The following SUGCT variants were observed in gnomAD, a reference collection of about 807,000 sequenced individuals.
SUGCT encodes succinyl-CoA:glutarate-CoA transferase.
SUGCT carries 41 observed loss-of-function variants against 55.0 expected under a neutral mutation model. That is an observed-to-expected ratio of 0.74 (90% CI 0.58 to 0.97). The LOEUF (loss-of-function observed/expected upper bound fraction) is 0.97. SUGCT is among the 50% of genes least tolerant of loss of function. The probability of loss-of-function intolerance (pLI) is 0.00; values close to 1 mark genes in which losing one functional copy is unlikely to be tolerated. For missense variants in SUGCT, 568 were observed against 547.8 expected (o/e 1.04, Z -0.37); for synonymous variants, 187 against 200.4 (o/e 0.93, Z 0.56).
intron 12 of SUGCT, among the ~76,000 whole-genome samples, chr7:40,618,245 G>T (rs1424755522): frequency 6.6e-6 from 1 of 152,056 alleles, no homozygotes; most frequent in East Asian, 1.9e-4. Flanking sequence ...TGCTAGTCTT[G>T]CTCTACCCAC....
chr7:40,404,449 T>G (rs892442098), intron 9 of SUGCT, among the ~76,000 whole-genome samples: 1 of 152,040 alleles, frequency 6.6e-6, no homozygotes, highest in Non-Finnish European at 1.5e-5. Flanking sequence ...GACTTTTTTT[T>G]TTTTTTGAGG....
chr7:40,277,498 T>C (rs1256793141), intron 8 of SUGCT, among the ~76,000 whole-genome samples: 3 of 152,076 alleles, frequency 2.0e-5, no homozygotes, highest in African/African-American at 7.2e-5. Flanking sequence ...CCAGAGCCAC[T>C]GTGCTGAGCA....
chr7:40,838,976 T>A (rs1033029525), intron 13 of SUGCT, among the ~76,000 whole-genome samples: 1 of 151,684 alleles, frequency 6.6e-6, no homozygotes, highest in African/African-American at 2.4e-5. Flanking sequence ...GTAGGTGTTG[T>A]ATTACATCTA....
At chr7:40,862,876 C>T (rs1794519908), downstream of SUGCT, among the ~76,000 whole-genome samples, 1 of 151,930 alleles carries the variant, frequency 6.6e-6, no homozygotes, top group Admixed American at 6.6e-5. Context: ...GTGTGACTAC[C>T]CAATTACTTG....
At chr7:40,370,409 G>A (rs1562722144) in intron 9 of SUGCT, among the ~76,000 whole-genome samples, 1 of 152,134 alleles carries the variant, frequency 6.6e-6, no homozygotes, top group Non-Finnish European at 1.5e-5. Context: ...GGATGATCAG[G>A]AGTGATTTCC....
chr7:40,854,423 T>TTC (rs1794040539), intron 13 of SUGCT, among the ~76,000 whole-genome samples: 1 of 113,368 alleles, frequency 8.8e-6, no homozygotes, highest in East Asian at 2.1e-4. Flanking sequence ...TTCTTTCCTT[T>TTC]CTTTCTTTCT....
chr7:41,030,561 T>C, the SUGCT span, among the ~76,000 whole-genome samples: 1 of 152,214 alleles, frequency 6.6e-6, no homozygotes, highest in Non-Finnish European at 1.5e-5. Context: ...CCTTTACATT[T>C]TCCTGCTGAG....
At chr7:40,307,978 C>T (rs1334809928) in intron 8 of SUGCT, among the ~76,000 whole-genome samples, 7 of 152,140 alleles carry the variant, frequency 4.6e-5, no homozygotes, top group South Asian at 2.1e-4. Context: ...GTGTTTTCTA[C>T]GAATGCTAGC....
intron 11 of SUGCT, among the ~76,000 whole-genome samples, chr7:40,475,406 A>G (rs1183226293): frequency 6.6e-6 from 1 of 152,216 alleles, no homozygotes; most frequent in Non-Finnish European, 1.5e-5. Flanking sequence ...GTTCACGAAG[A>G]TATTTTGAAT....
chr7:41,010,744 C>T, the SUGCT span, among the ~76,000 whole-genome samples: 2,447 of 152,158 alleles, frequency 0.016, 36 homozygotes, highest in Non-Finnish European at 0.026. Flanking sequence ...TGTTTTTGTG[C>T]TGTAATCACC....
intron 12 of SUGCT, among the ~76,000 whole-genome samples, chr7:40,529,697 T>C (rs1562840284): frequency 3.3e-5 from 5 of 152,200 alleles, no homozygotes. Flanking sequence ...GATTTTTTTT[T>C]CCATGTATAA....
intron 12 of SUGCT, among the ~76,000 whole-genome samples, chr7:40,519,500 A>G (rs1332820597): frequency 6.6e-6 from 1 of 151,964 alleles, no homozygotes; most frequent in Non-Finnish European, 1.5e-5. Flanking sequence ...TAATAAATAA[A>G]ATATTCAGTG....
chr7:40,741,856 G>C (rs1258154432), intron 12 of SUGCT, among the ~76,000 whole-genome samples: 2 of 152,156 alleles, frequency 1.3e-5, no homozygotes, highest in Non-Finnish European at 2.9e-5. Flanking sequence ...TGAATTAAAT[G>C]TTATAAATGG....
intron 9 of SUGCT, among the ~76,000 whole-genome samples, chr7:40,323,040 C>G (rs1441507400): frequency 6.6e-6 from 1 of 151,734 alleles, no homozygotes; most frequent in Non-Finnish European, 1.5e-5. Context: ...CCATTTGCCT[C>G]AATTACAACC....
At chr7:40,919,763 CCAT>C in the SUGCT span, among the ~76,000 whole-genome samples, 2 of 152,332 alleles carry the variant, frequency 1.3e-5, no homozygotes, top group East Asian at 3.9e-4. Flanking sequence ...ACCTACCTGA[CCAT>C]CTAACTTACT....
intron 13 of SUGCT, among the ~76,000 whole-genome samples, chr7:40,809,546 C>A (rs1017209711): frequency 2.0e-5 from 3 of 151,998 alleles, no homozygotes; most frequent in Non-Finnish European, 4.4e-5. Flanking sequence ...AAAGAAGTAC[C>A]ATACTAGGTT....
intron 13 of SUGCT, among the ~76,000 whole-genome samples, chr7:40,805,215 C>T (rs1791028180): frequency 6.6e-6 from 1 of 152,156 alleles, no homozygotes; most frequent in South Asian, 2.1e-4. Flanking sequence ...TCTAAAGGCA[C>T]ATGAATCCAA....
At chr7:40,795,128 A>C (rs1790489863) in intron 13 of SUGCT, among the ~76,000 whole-genome samples, 2 of 152,092 alleles carry the variant, frequency 1.3e-5, no homozygotes, top group South Asian at 4.1e-4. Context: ...AAATTGCATG[A>C]TGTATAATAC....
intron 12 of SUGCT, among the ~76,000 whole-genome samples, chr7:40,612,012 C>CTT (rs60231610): frequency 1.5e-3 from 224 of 145,260 alleles, no homozygotes; most frequent in Non-Finnish European, 2.1e-3. Flanking sequence ...ATTCCCCCCC[C>CTT]TTTTTTTTTT....
Sources: gnomAD v4.1 joint callset for allele counts (sites outside exome capture counted in the v4.1 genomes callset) on GRCh38, gnomAD v4.1.1 for gene constraint, MANE v1.5 for transcripts, NCBI Gene and HGNC (gene_info 2026-07-23, HGNC 2026-07-21) for gene names.